COP1: variants seen among roughly 807,000 people sequenced by gnomAD.
The protein encoded by COP1 is COP1 E3 ubiquitin ligase.
Under a neutral mutation model 101.3 loss-of-function variants are expected in COP1, and 24 were observed. That is an observed-to-expected ratio of 0.24 (90% CI 0.17 to 0.33). The LOEUF is 0.33. Ranked by LOEUF, COP1 falls within the 10% of genes least tolerant of loss-of-function variation. The pLI, the probability that COP1 is intolerant of heterozygous loss-of-function variation, is 1.00. For synonymous variants in COP1, 347 were observed against 341.9 expected, an observed-to-expected ratio of 1.01 and a Z score of -0.17; for missense variants, 663 against 906.2, an observed-to-expected ratio of 0.73 and a Z score of 3.45.
chr1:176,020,511 T>C (rs745349445), intron 15 of COP1, among the ~76,000 whole-genome samples: 4 of 151,718 alleles, frequency 2.6e-5, no homozygotes, highest in Non-Finnish European at 5.9e-5. Context: ...AAACCCCATC[T>C]CTGCAAAACT....
chr1:176,120,972 A>G (rs1442136828), intron 8 of COP1, among the ~76,000 whole-genome samples: 15 of 152,214 alleles, frequency 9.9e-5, no homozygotes, highest in Admixed American at 7.8e-4. Context: ...GACAATAAAT[A>G]TGGAATTATG....
intron 6 of COP1, among the ~76,000 whole-genome samples, chr1:176,146,752 T>G (rs772678381): frequency 5.3e-5 from 8 of 152,186 alleles, no homozygotes; most frequent in Non-Finnish European, 1.2e-4. Context: ...ATATTAAATT[T>G]TTCATGTTTT....
intron 11 of COP1, 125 bp downstream of exon 11, chr1:176,081,027 G>GTTAGGC (rs1679035097): frequency 1.2e-6 from 1 of 833,806 alleles, no homozygotes; most frequent in Non-Finnish European, 1.9e-6. Context: ...TAAAATCACA[G>GTTAGGC]AACTAATAAT....
At chr1:175,992,597 C>T (rs1473203467) in intron 15 of COP1, among the ~76,000 whole-genome samples, 1 of 152,246 alleles carries the variant, frequency 6.6e-6, no homozygotes, top group Non-Finnish European at 1.5e-5. Flanking sequence ...AGATTATATC[C>T]CGCACCTGGC....
At chr1:176,171,170 G>A (rs1696006893) in intron 3 of COP1, among the ~76,000 whole-genome samples, 1 of 146,050 alleles carries the variant, frequency 6.8e-6, no homozygotes, top group African/African-American at 2.5e-5. Flanking sequence ...TATCTACACT[G>A]AAAATCTGTC....
intron 10 of COP1, 41 bp from the exon 11 acceptor site, chr1:176,081,328 G>C: frequency 1.4e-6 from 2 of 1,466,788 alleles, no homozygotes; most frequent in Non-Finnish European, 1.8e-6. Flanking sequence ...CAGATGAATT[G>C]AACTGCAAAG....
chr1:176,145,291 A>G (rs955478342), intron 6 of COP1, among the ~76,000 whole-genome samples: 1 of 152,190 alleles, frequency 6.6e-6, no homozygotes, highest in African/African-American at 2.4e-5. Flanking sequence ...AATTACAACC[A>G]TATAACAGTG....
chr1:176,044,232 C>G (rs748168916), intron 12 of COP1, among the ~76,000 whole-genome samples: 3 of 152,190 alleles, frequency 2.0e-5, no homozygotes, highest in Non-Finnish European at 4.4e-5. Flanking sequence ...GCCAAATAAA[C>G]TACAGTGAAT....
chr1:176,024,684 C>T (rs34973462), intron 15 of COP1, among the ~76,000 whole-genome samples: 52,159 of 151,892 alleles, frequency 0.34, 9,236 homozygotes, highest in East Asian at 0.55. Context: ...TATGATTCTA[C>T]GTGTAGAAAA....
In COP1 at chr1:175,992,092, G is replaced by T. The variant is rs142127163; in HGVS notation, c.1730-2613C>A. Among the ~76,000 whole-genome samples the T allele has an allele frequency of 5.3e-5, 8 of 151,698 alleles. No homozygotes were observed. The East Asian group carries it at 1.5e-3, about 29-fold the overall frequency. ...TTTTTGAACATTTTTAATTTTTTTTGAGTATTATAGTTGGTATATACACTT... is the reference window on the plus strand; with the variant it reads ...TTTTTGAACATTTTTAATTTTTTTTTAGTATTATAGTTGGTATATACACTT... On this transcript the variant is annotated intron_variant, in intron 15 of 19. Coordinates refer to ENST00000367669, the MANE Select transcript of COP1 (RefSeq NM_022457.7).
chr1:176,184,734 G>C (rs1698238071), intron 1 of COP1, 42 bp from the exon 2 acceptor site: 1 of 1,436,970 alleles, frequency 7.0e-7, no homozygotes, highest in African/African-American at 1.4e-5. Flanking sequence ...TTTAAAAGTA[G>C]AGTGATTACA....
intron 5 of COP1, among the ~76,000 whole-genome samples, chr1:176,151,649 T>C (rs1159718554): frequency 6.6e-6 from 1 of 152,220 alleles, no homozygotes; most frequent in East Asian, 1.9e-4. Flanking sequence ...ATTATGGGAA[T>C]GGAAGCAACT....
chr1:175,987,005 G>A lies in COP1; in HGVS notation c.2071C>T (p.Arg691Ter). Reference protein sequence around the residue: ...DTVKSVLDKDRKEDDTNEFVS... With the variant: ...DTVKSVLDKD Reference sequence around the variant, plus strand: ...AATTCATTTGTATCATCTTCTTTTCGGTCTTTGTCGAGAACACTTTTGACT... The same window carrying A: ...AATTCATTTGTATCATCTTCTTTTCAGTCTTTGTCGAGAACACTTTTGACT... Residue 691 changes from arginine (R) to a stop codon, truncating the protein, a stop_gained, in exon 18 of 20, where the codon CGA becomes TGA. Transcript: ENST00000367669. LOFTEE classifies it high-confidence loss of function. 1.2e-6 allele frequency: 2 copies of A among 1,611,718 alleles called. No homozygotes were observed. Among genetic ancestry groups the A allele is most frequent in the Non-Finnish European group, 1.7e-6 (2 of 1,178,956 alleles).
chr1:176,144,882 A>C (rs1235479107), intron 6 of COP1, among the ~76,000 whole-genome samples: 1 of 152,164 alleles, frequency 6.6e-6, no homozygotes, highest in Non-Finnish European at 1.5e-5. Context: ...GTATAGATCT[A>C]AATATGAAAG....
intron 18 of COP1, among the ~76,000 whole-genome samples, chr1:175,953,618 A>C (rs1013416377): frequency 6.6e-6 from 1 of 152,026 alleles, no homozygotes; most frequent in African/African-American, 2.4e-5. Flanking sequence ...GAAACACTTT[A>C]AACATAAAAA....
intron 6 of COP1, 55 bp downstream of exon 6, chr1:176,148,951 G>C: frequency 9.0e-7 from 1 of 1,114,512 alleles, no homozygotes; most frequent in South Asian, 1.7e-5. Flanking sequence ...TTACAAAATG[G>C]GAACAGTTAA....
At chr1:176,041,726 G>A (rs1670571506) in intron 14 of COP1, among the ~76,000 whole-genome samples, 1 of 152,186 alleles carries the variant, frequency 6.6e-6, no homozygotes, top group South Asian at 2.1e-4. Context: ...AGCACTTTGG[G>A]AAGTCGAGGT....
At chr1:176,183,194 T>C (rs1347548788) in intron 2 of COP1, among the ~76,000 whole-genome samples, 2 of 152,188 alleles carry the variant, frequency 1.3e-5, no homozygotes, top group African/African-American at 2.4e-5. Context: ...AAACGAAAGA[T>C]CTTACAGACT....
At chr1:175,991,709 A>C (rs968592199) in intron 15 of COP1, among the ~76,000 whole-genome samples, 2 of 152,238 alleles carry the variant, frequency 1.3e-5, no homozygotes, top group Admixed American at 1.3e-4. Flanking sequence ...AAGTTAAAAA[A>C]TTAAAATAGG....
Sources: allele counts gnomAD v4.1 joint callset (sites outside exome capture counted in the v4.1 genomes callset), GRCh38; gene constraint gnomAD v4.1.1; transcripts MANE v1.5; gene names NCBI Gene and HGNC (gene_info 2026-07-23, HGNC 2026-07-21).